The following FMN1 variants were observed in gnomAD, a reference collection of about 807,000 sequenced individuals.
FMN1 encodes formin 1.
Under a neutral mutation model 132.4 loss-of-function variants are expected in FMN1, and 110 were observed. The observed-to-expected ratio is 0.83, with a 90% CI of 0.71 to 0.97. The LOEUF is 0.97. FMN1 is among the 50% of genes least tolerant of loss of function. FMN1 has a pLI of 0.00. For missense variants in FMN1, 1,792 were observed against 1,705.3 expected (o/e 1.05, Z -0.90); for synonymous variants, 722 against 651.7 (o/e 1.11, Z -1.64).
In FMN1 at chr15:32,900,031, G is replaced by C. The variant is rs548334855; in HGVS notation, c.3602C>G (p.Ala1201Gly). The C allele has an allele frequency of 3.7e-6, 6 of 1,613,896 alleles. No homozygotes were observed. ...MNGGNRTRGQ[A>G]DGYSLEILPK... ...CAGAATTTCTAAGCTATATCCATCG[G>C]CTTGTCCCCGAGTCCTATTTCCTCC... The change falls in exon 14 of 21, where the codon GCC (alanine) becomes GGC (glycine). Residue 1201 changes from alanine to glycine, a missense_variant. Coordinates refer to ENST00000616417, the MANE Select transcript of FMN1 (RefSeq NM_001277313.2).
chr15:33,146,210 C>T (rs925525380), intron 4 of FMN1, among the ~76,000 whole-genome samples: 3 of 152,034 alleles, frequency 2.0e-5, no homozygotes, highest in African/African-American at 7.2e-5. Flanking sequence ...AGAGGAAGTC[C>T]CTACCTCTCT....
intron 5 of FMN1, among the ~76,000 whole-genome samples, chr15:33,084,060 G>A (rs2038594482): frequency 6.6e-6 from 1 of 152,122 alleles, no homozygotes; most frequent in East Asian, 1.9e-4. Flanking sequence ...CCCCTTTCCT[G>A]GAAAACTCAT....
intron 6 of FMN1, among the ~76,000 whole-genome samples, chr15:33,059,832 T>C (rs2037403695): frequency 6.6e-6 from 1 of 152,224 alleles, no homozygotes; most frequent in African/African-American, 2.4e-5. Context: ...TTGCTTCTAC[T>C]CTCCTGAGCC....
chr15:32,908,225 G>A, intron 12 of FMN1: 2 of 379,186 alleles, frequency 5.3e-6, no homozygotes, highest in South Asian at 8.2e-5. Context: ...TAGTCTAGGA[G>A]GAATTAACAA....
At chr15:33,079,019 T>TA (rs2038341852) in intron 5 of FMN1, among the ~76,000 whole-genome samples, 1 of 152,260 alleles carries the variant, frequency 6.6e-6, no homozygotes, top group South Asian at 2.1e-4. Flanking sequence ...TTAGAGAAAA[T>TA]AAAGTATTTT....
At position 33,102,127 on chromosome 15, in the gene FMN1, C is replaced by T. The variant is rs192864668; in HGVS notation, c.1868-13153G>A. ...TATGATACTACAGCATGTGACGCTC[C>T]GTTATGTGCTAATTTATTTTATGTG... On this transcript the variant is annotated intron_variant, in intron 4 of 20. Coordinates refer to ENST00000616417, the MANE Select transcript of FMN1 (RefSeq NM_001277313.2). Among the ~76,000 whole-genome samples the T allele has an allele frequency of 1.2e-4, 18 of 152,158 alleles. No homozygotes were observed. The East Asian group carries it at 2.5e-3, about 21-fold the overall frequency.
chr15:33,102,996 A>G (rs576412873), intron 4 of FMN1, among the ~76,000 whole-genome samples: 2 of 152,146 alleles, frequency 1.3e-5, no homozygotes, highest in African/African-American at 2.4e-5. Context: ...TGTCTTTAGG[A>G]TGCAGGAAAA....
intron 18 of FMN1, among the ~76,000 whole-genome samples, chr15:32,803,466 A>G (rs953582247): frequency 2.0e-5 from 3 of 152,166 alleles, no homozygotes; most frequent in Non-Finnish European, 2.9e-5. Flanking sequence ...TTCCCATGTG[A>G]TATCTATTGA....
chr15:33,066,887 G>C, intron 5 of FMN1: 1 of 1,613,970 alleles, frequency 6.2e-7, no homozygotes, highest in South Asian at 1.1e-5. Context: ...CTTCGGATCA[G>C]TTGCTTTCTT....
In FMN1 at chr15:32,778,436, A is replaced by G. The variant is rs1449055484; in HGVS notation, c.4131-1517T>C. On this transcript the variant is annotated intron_variant, in intron 19 of 20. Transcript: ENST00000616417. The stretch of plus-strand genomic sequence containing the variant: ...AACTTGTGTCTGGAACACAGAAAGA[A>G]CTCTTACAATTCAAATAAGAAGACA... Among the ~76,000 whole-genome samples, 3 of 151,738 alleles carry G rather than the reference A, an allele frequency of 2.0e-5. No homozygotes were observed. The Admixed American group carries it at 2.0e-4, about 10-fold the overall frequency.
At chr15:33,092,125 T>C (rs562723190) in intron 4 of FMN1, among the ~76,000 whole-genome samples, 20 of 152,268 alleles carry the variant, frequency 1.3e-4, no homozygotes, top group African/African-American at 4.6e-4. Context: ...AAAGGTAGGG[T>C]GACTTACCTT....
chr15:32,942,661 A>G (rs2061425055), intron 9 of FMN1, among the ~76,000 whole-genome samples: 1 of 152,182 alleles, frequency 6.6e-6, no homozygotes, highest in African/African-American at 2.4e-5. Context: ...ATTCATACCT[A>G]TACCAGATCG....
chr15:32,952,058 T>G (rs2061666202), intron 9 of FMN1, among the ~76,000 whole-genome samples: 1 of 152,142 alleles, frequency 6.6e-6, no homozygotes, highest in African/African-American at 2.4e-5. Context: ...GGTCTGTGAG[T>G]TCTACCTCCT....
At chr15:32,947,105 C>T (rs1212674731) in intron 9 of FMN1, among the ~76,000 whole-genome samples, 1 of 151,984 alleles carries the variant, frequency 6.6e-6, no homozygotes, top group Non-Finnish European at 1.5e-5. Flanking sequence ...CATGTCTTTT[C>T]CGTATAAGGC....
chr15:33,165,177 A>G (rs1965047776), intron 3 of FMN1, among the ~76,000 whole-genome samples: 2 of 152,222 alleles, frequency 1.3e-5, no homozygotes, highest in Non-Finnish European at 2.9e-5. Context: ...AGTACATTTT[A>G]CTTTGTAGTT....
chr15:33,081,110 C>T (rs1315077503), intron 5 of FMN1, among the ~76,000 whole-genome samples: 4 of 152,102 alleles, frequency 2.6e-5, no homozygotes, highest in South Asian at 2.1e-4. Context: ...GCAAAACTTC[C>T]GCTTCTTAAA....
At chr15:33,070,338 T>C (rs2037947643) in intron 5 of FMN1, among the ~76,000 whole-genome samples, 1 of 150,740 alleles carries the variant, frequency 6.6e-6, no homozygotes, top group South Asian at 2.1e-4. Context: ...ATGCAGATCA[T>C]CCAATTCTAA....
intron 4 of FMN1, among the ~76,000 whole-genome samples, chr15:33,125,428 A>C (rs1962962115): frequency 1.4e-5 from 2 of 141,202 alleles, no homozygotes; most frequent in African/African-American, 5.0e-5. Flanking sequence ...CAGTGCACTA[A>C]GACAATATGT....
At chr15:33,146,293 C>A (rs1481142593) in intron 4 of FMN1, among the ~76,000 whole-genome samples, 1 of 152,100 alleles carries the variant, frequency 6.6e-6, no homozygotes, top group African/African-American at 2.4e-5. Flanking sequence ...TTTGCCAAAG[C>A]TCCTTCTTCC....
Sources: allele counts gnomAD v4.1 joint callset (sites outside exome capture counted in the v4.1 genomes callset), GRCh38; gene constraint gnomAD v4.1.1; transcripts MANE v1.5; gene names NCBI Gene and HGNC (gene_info 2026-07-23, HGNC 2026-07-21).